Variants in XYLT1 observed in about 807,000 individuals in gnomAD.
XYLT1 encodes xylosyltransferase 1.
In XYLT1, 36 loss-of-function variants were observed where a neutral mutation model predicts 91.3. The observed-to-expected ratio is 0.39, with a 90% CI of 0.30 to 0.52. XYLT1 has a LOEUF of 0.52. Ranked by LOEUF, XYLT1 falls within the 20% of genes least tolerant of loss-of-function variation. The pLI is 0.68. For missense variants in XYLT1, 1,242 were observed against 1,284.5 expected, an observed-to-expected ratio of 0.97 and a Z score of 0.51; for synonymous variants, 588 against 532.0, an observed-to-expected ratio of 1.11 and a Z score of -1.45.
In XYLT1 at chr16:17,118,289, T is replaced by TGAATGAAC. The variant is rs1347049407; in HGVS notation, c.2224-311_2224-310insGTTCATTC. On this transcript the variant is annotated intron_variant, in intron 10 of 11. Transcript: ENST00000261381. ...CTGAATGAGTGAATGAATGAACGAA[T>TGAATGAAC]GAATGAATGAATGAATGCATGTCTT... 1.6e-4 allele frequency among the ~76,000 whole-genome samples: 24 copies of TGAATGAAC among 150,518 alleles called. 1 individual carries two copies. The East Asian group carries it at 4.1e-3, about 26-fold the overall frequency.
intron 3 of XYLT1, among the ~76,000 whole-genome samples, chr16:17,257,596 A>G (rs1029932097): frequency 6.6e-6 from 1 of 152,178 alleles, no homozygotes; most frequent in African/African-American, 2.4e-5. Context: ...GCGTGCCCTA[A>G]ACAACAGTGA....
intron 1 of XYLT1, among the ~76,000 whole-genome samples, chr16:17,388,398 G>C (rs2035774265): frequency 6.6e-6 from 1 of 152,168 alleles, no homozygotes; most frequent in Admixed American, 6.6e-5. Flanking sequence ...GGACCAGAGA[G>C]AGTTCAGATA....
chr16:17,414,102 C>A (rs934326153), intron 1 of XYLT1, among the ~76,000 whole-genome samples: 3 of 151,930 alleles, frequency 2.0e-5, no homozygotes, highest in African/African-American at 7.3e-5. Context: ...CTTCTGCCTC[C>A]AAACCAAAAA....
chr16:17,354,030 C>A (rs575795083), intron 2 of XYLT1, among the ~76,000 whole-genome samples: 24 of 152,312 alleles, frequency 1.6e-4, no homozygotes, highest in African/African-American at 5.3e-4. Flanking sequence ...GAAGTCAGTT[C>A]TTGGCAAATG....
chr16:17,349,655 T>C (rs780091259), intron 2 of XYLT1, among the ~76,000 whole-genome samples: 22 of 151,158 alleles, frequency 1.5e-4, no homozygotes, highest in Non-Finnish European at 3.2e-4. Context: ...CAGTTTCTCA[T>C]CTGTAAAACG....
chr16:17,212,196 A>T (rs1225343501), intron 3 of XYLT1, among the ~76,000 whole-genome samples: 1 of 152,038 alleles, frequency 6.6e-6, no homozygotes, highest in Non-Finnish European at 1.5e-5. Flanking sequence ...GGAGACAAGG[A>T]CTCTGTGTTG....
intron 3 of XYLT1, among the ~76,000 whole-genome samples, chr16:17,221,074 G>A (rs1256637949): frequency 1.3e-5 from 2 of 152,120 alleles, no homozygotes; most frequent in Non-Finnish European, 2.9e-5. Context: ...GCTTCATGGT[G>A]GCAACAACAT....
intron 6 of XYLT1, among the ~76,000 whole-genome samples, chr16:17,146,456 G>T (rs945604113): frequency 6.6e-6 from 1 of 152,084 alleles, no homozygotes; most frequent in Non-Finnish European, 1.5e-5. Context: ...TACAAAGTTG[G>T]TCTAGATATG....
chr16:17,292,805 T>C (rs868581381), intron 2 of XYLT1, among the ~76,000 whole-genome samples: 1 of 152,152 alleles, frequency 6.6e-6, no homozygotes. Context: ...GTGGGGCACA[T>C]GGGAATACAG....
chr16:17,294,560 T>C (rs2034283089), intron 2 of XYLT1, among the ~76,000 whole-genome samples: 1 of 151,938 alleles, frequency 6.6e-6, no homozygotes, highest in South Asian at 2.1e-4. Context: ...AGAGGCTGTG[T>C]TGTAAGGGCT....
At chr16:17,293,850 C>A (rs2034269357) in intron 2 of XYLT1, among the ~76,000 whole-genome samples, 1 of 152,118 alleles carries the variant, frequency 6.6e-6, no homozygotes, top group Non-Finnish European at 1.5e-5. Context: ...AAGGTCATTG[C>A]CCAGCAGTTG....
chr16:17,406,048 G>A (rs1020930726), intron 1 of XYLT1, among the ~76,000 whole-genome samples: 1 of 152,148 alleles, frequency 6.6e-6, no homozygotes, highest in African/African-American at 2.4e-5. Context: ...AGCCAGGCGT[G>A]GTGGTGCATG....
chr16:17,266,838 A>G (rs2033813346), intron 2 of XYLT1, among the ~76,000 whole-genome samples: 1 of 152,208 alleles, frequency 6.6e-6, no homozygotes, highest in Admixed American at 6.5e-5. Flanking sequence ...ACCTGCTTCC[A>G]AAAGGACCTC....
intron 2 of XYLT1, among the ~76,000 whole-genome samples, chr16:17,276,822 C>T (rs567478147): frequency 3.9e-5 from 6 of 152,312 alleles, no homozygotes; most frequent in East Asian, 3.9e-4. Flanking sequence ...TAGGGAAAGT[C>T]GTTTACCCTC....
intron 5 of XYLT1, among the ~76,000 whole-genome samples, chr16:17,164,029 ACT>A (rs1418322151): frequency 2.9e-5 from 3 of 103,516 alleles, no homozygotes; most frequent in Non-Finnish European, 5.9e-5. Context: ...CAAGAGCGAA[ACT>A]CTGTCTCAAA....
intron 6 of XYLT1, among the ~76,000 whole-genome samples, chr16:17,153,293 G>T (rs1340872059): frequency 1.3e-5 from 2 of 152,152 alleles, no homozygotes; most frequent in Non-Finnish European, 2.9e-5. Flanking sequence ...CTTACCCAAG[G>T]TCACACACTG....
chr16:17,397,798 T>C (rs1266529341), intron 1 of XYLT1, among the ~76,000 whole-genome samples: 1 of 151,806 alleles, frequency 6.6e-6, no homozygotes, highest in Non-Finnish European at 1.5e-5. Context: ...GCTACGATTT[T>C]ACTAGGGCAC....
At chr16:17,324,044 T>C (rs2034764028) in intron 2 of XYLT1, among the ~76,000 whole-genome samples, 1 of 152,156 alleles carries the variant, frequency 6.6e-6, no homozygotes, top group Non-Finnish European at 1.5e-5. Flanking sequence ...GCTCATTTGT[T>C]TTAGACAGGC....
rs2034261223 is a variant in XYLT1 at position 17,293,486 on chromosome 16, CCCT to C, written c.403-33991_403-33989del. On this transcript the variant is annotated intron_variant, in intron 2 of 11. Coordinates refer to ENST00000261381, the MANE Select transcript of XYLT1 (RefSeq NM_022166.4). ...GTAGTTTTTAACATAAAGATTTTCT[CCCT>C]CCTTTTTTTTTTTTTTTTTTTTTTT... is the stretch of plus-strand genomic sequence containing the variant. Among the ~76,000 whole-genome samples, 4 of 145,864 alleles carry C rather than the reference CCCT, an allele frequency of 2.7e-5. No individual in the cohort carries two copies. In the South Asian group the frequency reaches 8.8e-4, roughly 32 times the overall value.
Sources: allele counts gnomAD v4.1 joint callset (sites outside exome capture counted in the v4.1 genomes callset), GRCh38; gene constraint gnomAD v4.1.1; transcripts MANE v1.5; gene names NCBI Gene and HGNC (gene_info 2026-07-23, HGNC 2026-07-21).